LIPI: variants seen among roughly 807,000 people sequenced by gnomAD.
The protein encoded by LIPI is lipase member I.
Under a neutral mutation model 50.6 loss-of-function variants are expected in LIPI, and 59 were observed. The ratio of observed to expected loss-of-function variants is 1.16; its 90% CI spans 0.94 to 1.45. The LOEUF is 1.45. LIPI is among the 40% of genes most tolerant of loss of function. The pLI, the probability that LIPI is intolerant of heterozygous loss-of-function variation, is 0.00. For synonymous variants in LIPI, 203 were observed against 178.2 expected (o/e 1.14, Z -1.11); for missense variants, 586 against 536.3 (o/e 1.09, Z -0.92).
At chr21:14,157,985 T>C (rs555308425) in intron 7 of LIPI, among the ~76,000 whole-genome samples, 42 of 151,960 alleles carry the variant, frequency 2.8e-4, no homozygotes, top group Admixed American at 1.8e-3. Context: ...AGTACTTATA[T>C]CCAGAGCTGT....
At chr21:14,184,824 C>G (rs190431109) in intron 3 of LIPI, among the ~76,000 whole-genome samples, 1 of 152,222 alleles carries the variant, frequency 6.6e-6, no homozygotes. Flanking sequence ...ACTGCTATTT[C>G]TTGACCCTCC....
At position 14,146,772 on chromosome 21, in the gene LIPI, A is replaced by ATTTT. The variant is rs3048482; in HGVS notation, c.1119-1977_1119-1974dup. The stretch of plus-strand genomic sequence containing the variant: ...TCTCTTTCTTACTTTCCCAGTCTCT[A>ATTTT]TTTTTTTTTTTTTTTTTTTTTTTTT... On this transcript the variant is annotated intron_variant, in intron 8 of 9. Coordinates refer to ENST00000681601, the MANE Select transcript of LIPI (RefSeq NM_001302998.2). Among the ~76,000 whole-genome samples, 467 of 73,364 alleles carry ATTTT rather than the reference A, an allele frequency of 6.4e-3. 101 individuals are homozygous for ATTTT. The highest frequency in any genetic ancestry group is 0.011 in the African/African-American group (188 of 16,536). 48.1% of individuals were successfully genotyped at this position (73,364 alleles called of 152,430 possible).
chr21:14,148,986 C>T (rs1430935398), intron 8 of LIPI, among the ~76,000 whole-genome samples: 1 of 152,154 alleles, frequency 6.6e-6, no homozygotes, highest in East Asian at 1.9e-4. Flanking sequence ...CCAACAGTTT[C>T]TTTGCCTTCT....
chr21:14,155,278 C>A (rs895687118), intron 7 of LIPI, among the ~76,000 whole-genome samples: 1 of 151,716 alleles, frequency 6.6e-6, no homozygotes, highest in Admixed American at 6.6e-5. Context: ...GAGGGCCAGT[C>A]AATCTTAATG....
At chr21:14,150,780 C>A (rs1166213794) in intron 8 of LIPI, among the ~76,000 whole-genome samples, 3 of 152,098 alleles carry the variant, frequency 2.0e-5, no homozygotes, top group Non-Finnish European at 4.4e-5. Flanking sequence ...CGAAAAGTTT[C>A]TCTCAATAAA....
chr21:14,156,108 T>C (rs1169879624), intron 7 of LIPI, among the ~76,000 whole-genome samples: 3 of 152,056 alleles, frequency 2.0e-5, no homozygotes, highest in Non-Finnish European at 2.9e-5. Context: ...GAATAATGTA[T>C]GCATATTGTA....
intron 1 of LIPI, among the ~76,000 whole-genome samples, chr21:14,208,890 A>T (rs1273879802): frequency 1.3e-5 from 2 of 152,162 alleles, no homozygotes; most frequent in African/African-American, 4.8e-5. Flanking sequence ...TGTCTCTCCA[A>T]AAATTACAAA....
intron 9 of LIPI, among the ~76,000 whole-genome samples, chr21:14,112,121 CT>C (rs903000149): frequency 1.3e-5 from 2 of 151,900 alleles, no homozygotes; most frequent in African/African-American, 4.8e-5. Context: ...CTCTTGGAAC[CT>C]TTGTTGAAAA....
chr21:14,188,977 T>C, intron 2 of LIPI, 57 bp downstream of exon 2: 1 of 1,337,954 alleles, frequency 7.5e-7, no homozygotes, highest in Non-Finnish European at 1.1e-6. Context: ...CTGCATATTG[T>C]ATAGCACGTA....
chr21:14,117,566 G>A (rs1195544861), intron 9 of LIPI, among the ~76,000 whole-genome samples: 2 of 152,182 alleles, frequency 1.3e-5, no homozygotes, highest in Non-Finnish European at 2.9e-5. Flanking sequence ...AAGGCTGGAG[G>A]GAAAAAGGCA....
At chr21:14,188,883 T>C (rs1271120185) in intron 2 of LIPI, 151 bp downstream of exon 2, 5 of 670,874 alleles carry the variant, frequency 7.5e-6, no homozygotes, top group Middle Eastern at 4.1e-4. Flanking sequence ...GCTGCATACA[T>C]TGGTATATCA....
chr21:14,116,387 G>A (rs2016639739), intron 9 of LIPI, among the ~76,000 whole-genome samples: 1 of 152,152 alleles, frequency 6.6e-6, no homozygotes, highest in African/African-American at 2.4e-5. Context: ...ACCTGGCCAA[G>A]CAGCACCCAA....
chr21:14,111,204 G>A (rs1369919865), intron 9 of LIPI, among the ~76,000 whole-genome samples: 1 of 151,600 alleles, frequency 6.6e-6, no homozygotes, highest in African/African-American at 2.4e-5. Flanking sequence ...ATTCTTATCA[G>A]TAGTTATCAA....
chr21:14,113,946 G>A (rs1456203100), intron 9 of LIPI, among the ~76,000 whole-genome samples: 2 of 152,110 alleles, frequency 1.3e-5, no homozygotes, highest in Non-Finnish European at 2.9e-5. Flanking sequence ...CCAACACCTT[G>A]GGAGGCCAAG....
intron 1 of LIPI, among the ~76,000 whole-genome samples, chr21:14,202,285 C>A (rs1249647129): frequency 1.3e-5 from 2 of 152,122 alleles, no homozygotes; most frequent in African/African-American, 4.8e-5. Context: ...TCAATGCCAT[C>A]CCCATCAAGC....
intron 4 of LIPI, among the ~76,000 whole-genome samples, chr21:14,171,639 G>T (rs1472629853): frequency 6.6e-6 from 1 of 150,766 alleles, no homozygotes; most frequent in African/African-American, 2.4e-5. Context: ...TTAATAAATG[G>T]TGCTGGGAAA....
chr21:14,188,963 C>T lies in LIPI; in HGVS notation c.432+71G>A, dbSNP rs1030919907. The T allele has an allele frequency of 9.6e-6, 12 of 1,245,786 alleles. No homozygotes were observed. The African/African-American group carries it at 1.5e-4, about 15-fold the overall frequency. 77.2% of individuals were successfully genotyped at this position (1,245,786 alleles called of 1,614,324 possible). ...TATCACTTTGTGGTATTGAATGTAA[C>T]ACACTGCATATTGTATAGCACGTAT... On this transcript the variant is annotated intron_variant, in intron 2 of 9. Coordinates refer to ENST00000681601, the MANE Select transcript of LIPI (RefSeq NM_001302998.2).
intron 4 of LIPI, among the ~76,000 whole-genome samples, chr21:14,178,720 G>A (rs747919924): frequency 3.9e-5 from 6 of 152,110 alleles, no homozygotes; most frequent in Non-Finnish European, 5.9e-5. Flanking sequence ...TATGGGTGTT[G>A]TCTATTGACT....
intron 1 of LIPI, among the ~76,000 whole-genome samples, chr21:14,199,165 A>T (rs2019964223): frequency 6.6e-6 from 1 of 152,034 alleles, no homozygotes; most frequent in Admixed American, 6.6e-5. Flanking sequence ...CAAGTTAACA[A>T]TCTAACATCA....
Sources: allele counts gnomAD v4.1 joint callset (sites outside exome capture counted in the v4.1 genomes callset), GRCh38; gene constraint gnomAD v4.1.1; transcripts MANE v1.5; gene names NCBI Gene and HGNC (gene_info 2026-07-23, HGNC 2026-07-21).